The following FHIT variants were observed in gnomAD, a reference collection of about 807,000 sequenced individuals.
FHIT encodes fragile histidine triad diadenosine triphosphatase, also known as bis(5'-adenosyl)-triphosphatase.
Under a neutral mutation model 17.9 loss-of-function variants are expected in FHIT, and 19 were observed. That is an observed-to-expected ratio of 1.06 (90% CI 0.74 to 1.56). FHIT has a LOEUF of 1.56. Among genes scored for constraint, FHIT ranks in the 40% most tolerant of loss-of-function variants. FHIT has a pLI of 0.00. For missense variants in FHIT, 248 were observed against 189.2 expected, an observed-to-expected ratio of 1.31 and a Z score of -1.82; for synonymous variants, 81 against 69.7, an observed-to-expected ratio of 1.16 and a Z score of -0.81.
At chr3:60,092,913 C>T (rs763368462) in intron 5 of FHIT, among the ~76,000 whole-genome samples, 8 of 152,146 alleles carry the variant, frequency 5.3e-5, no homozygotes, top group Non-Finnish European at 1.0e-4. Flanking sequence ...AAACATATTT[C>T]AAGCTGGAAC....
intron 5 of FHIT, among the ~76,000 whole-genome samples, chr3:60,531,055 G>A (rs1429940212): frequency 1.3e-5 from 2 of 152,136 alleles, no homozygotes; most frequent in Non-Finnish European, 2.9e-5. Context: ...GTGACCACAA[G>A]AAAACCAACT....
At chr3:60,688,286 G>A (rs1323318199) in intron 4 of FHIT, among the ~76,000 whole-genome samples, 1 of 152,036 alleles carries the variant, frequency 6.6e-6, no homozygotes, top group Non-Finnish European at 1.5e-5. Context: ...CATTTCCCAA[G>A]GTCATTCAGG....
At chr3:59,814,631 C>T (rs1700530120) in intron 8 of FHIT, among the ~76,000 whole-genome samples, 1 of 152,128 alleles carries the variant, frequency 6.6e-6, no homozygotes, top group Admixed American at 6.5e-5. Context: ...CCACATAGGT[C>T]CTATTTCTTT....
chr3:60,144,167 C>G (rs541771553), intron 5 of FHIT, among the ~76,000 whole-genome samples: 3 of 152,298 alleles, frequency 2.0e-5, no homozygotes, highest in Admixed American at 1.3e-4. Flanking sequence ...AGCTATCCAG[C>G]ATCCATACGG....
chr3:60,931,958 CACAATTCAGA>C (rs1553771910), intron 3 of FHIT, among the ~76,000 whole-genome samples: 1 of 152,148 alleles, frequency 6.6e-6, no homozygotes, highest in East Asian at 1.9e-4. Flanking sequence ...GTGTGATATG[CACAATTCAGA>C]ACACTAACGG....
chr3:60,824,514 A>G (rs1702045175), intron 3 of FHIT, among the ~76,000 whole-genome samples: 1 of 152,172 alleles, frequency 6.6e-6, no homozygotes, highest in Non-Finnish European at 1.5e-5. Flanking sequence ...AAAGGTAAAC[A>G]AATAAATATT....
chr3:60,727,689 T>C (rs1167345474), intron 4 of FHIT, among the ~76,000 whole-genome samples: 1 of 152,226 alleles, frequency 6.6e-6, no homozygotes, highest in African/African-American at 2.4e-5. Context: ...TAAAATCATT[T>C]GCTTCATTGA....
intron 8 of FHIT, among the ~76,000 whole-genome samples, chr3:59,913,856 G>T (rs1575687144): frequency 1.3e-5 from 2 of 152,246 alleles, no homozygotes; most frequent in African/African-American, 4.8e-5. Flanking sequence ...AAGGTGGAGA[G>T]AATTTAGAGC....
At chr3:60,967,880 A>C (rs1200580951) in intron 3 of FHIT, among the ~76,000 whole-genome samples, 2 of 152,216 alleles carry the variant, frequency 1.3e-5, no homozygotes, top group Non-Finnish European at 2.9e-5. Context: ...AGCCATATTC[A>C]AATACCATCT....
intron 5 of FHIT, among the ~76,000 whole-genome samples, chr3:60,118,021 C>A (rs913642078): frequency 1.3e-5 from 2 of 152,160 alleles, no homozygotes; most frequent in Non-Finnish European, 2.9e-5. Context: ...ATGATCCAAG[C>A]GGTGAGTTTG....
At chr3:59,750,063 A>AAGTT (rs1700807078) in intron 9 of FHIT, 2 of 224,946 alleles carry the variant, frequency 8.9e-6, no homozygotes, top group Non-Finnish European at 1.8e-5. Flanking sequence ...TTTGTGTAAC[A>AAGTT]AGTTAGGGTA....
rs148332119 is a variant in FHIT at position 60,783,464 on chromosome 3, G to A, written c.-18+38455C>T. Among the ~76,000 whole-genome samples the A allele has an allele frequency of 1.8e-3, 275 of 152,276 alleles. 2 individuals carry two copies. Among genetic ancestry groups the A allele is most frequent in the African/African-American group, 6.4e-3 (264 of 41,556 alleles). On this transcript the variant is annotated intron_variant, in intron 4 of 9. Transcript: ENST00000492590. ...AAGAAATAGAAATTTGTTTGTCAGT[G>A]GATAAAGAACAAGGCCAAGGTTTTC...
At chr3:60,908,712 A>T (rs1416576419) in intron 3 of FHIT, among the ~76,000 whole-genome samples, 1 of 69,156 alleles carries the variant, frequency 1.4e-5, no homozygotes. Flanking sequence ...GAAGTCTCTT[A>T]TGAAAAAAAA....
chr3:60,820,966 C>CTATTATTAT (rs10576663), intron 4 of FHIT, among the ~76,000 whole-genome samples: 47,441 of 150,158 alleles, frequency 0.32, 8,053 homozygotes, highest in Middle Eastern at 0.39. Context: ...TACTTTCTTG[C>CTATTATTAT]TATTATTATT....
chr3:60,296,003 C>T (rs1250279905), intron 5 of FHIT, among the ~76,000 whole-genome samples: 1 of 152,086 alleles, frequency 6.6e-6, no homozygotes, highest in East Asian at 1.9e-4. Context: ...AGAAGTCTCA[C>T]AAGATCTGAT....
chr3:61,194,270 G>A (rs1420085884), intron 2 of FHIT, among the ~76,000 whole-genome samples: 2 of 152,084 alleles, frequency 1.3e-5, no homozygotes, highest in Non-Finnish European at 2.9e-5. Flanking sequence ...TGGTTTATAC[G>A]ACTTGCTTAA....
chr3:60,924,433 A>T (rs548361673), intron 3 of FHIT, among the ~76,000 whole-genome samples: 1 of 152,262 alleles, frequency 6.6e-6, no homozygotes, highest in Non-Finnish European at 1.5e-5. Flanking sequence ...CTGCTGGTGA[A>T]ACACAGGCAA....
intron 5 of FHIT, among the ~76,000 whole-genome samples, chr3:60,505,241 T>C (rs1047220926): frequency 3.9e-5 from 6 of 152,198 alleles, no homozygotes; most frequent in African/African-American, 1.2e-4. Context: ...GCCTCTGCTA[T>C]GGCTAAGTAG....
At chr3:61,086,843 T>C (rs571781890) in intron 2 of FHIT, among the ~76,000 whole-genome samples, 2 of 152,278 alleles carry the variant, frequency 1.3e-5, no homozygotes, top group African/African-American at 4.8e-5. Flanking sequence ...AATTTGCTAA[T>C]GTGCTGATAA....
Sources: allele counts gnomAD v4.1 joint callset (sites outside exome capture counted in the v4.1 genomes callset), GRCh38; gene constraint gnomAD v4.1.1; transcripts MANE v1.5; gene names NCBI Gene and HGNC (gene_info 2026-07-23, HGNC 2026-07-21).